The following CRTAC1 variants were observed in gnomAD, a reference collection of about 807,000 sequenced individuals.
CRTAC1 encodes acidic secreted protein in cartilage.
Under a neutral mutation model 67.8 loss-of-function variants are expected in CRTAC1, and 37 were observed. The observed-to-expected ratio is 0.55, with a 90% CI of 0.42 to 0.72. CRTAC1 has a LOEUF of 0.72. Among genes scored for constraint, CRTAC1 ranks in the 30% least tolerant of loss-of-function variants. CRTAC1 has a pLI of 0.00. For missense variants in CRTAC1, 780 were observed against 931.6 expected, an observed-to-expected ratio of 0.84 and a Z score of 2.12; for synonymous variants, 348 against 371.0, an observed-to-expected ratio of 0.94 and a Z score of 0.71.
chr10:97,964,228 T>TC (rs2051576940), intron 2 of CRTAC1, among the ~76,000 whole-genome samples: 1 of 152,208 alleles, frequency 6.6e-6, no homozygotes, highest in Admixed American at 6.5e-5. Context: ...GATGAGTATT[T>TC]CCTGAAGTGT....
chr10:98,000,961 A>C (rs1241161661), intron 2 of CRTAC1, among the ~76,000 whole-genome samples: 1 of 152,220 alleles, frequency 6.6e-6, no homozygotes, highest in Non-Finnish European at 1.5e-5. Context: ...ATAAAACATA[A>C]GCACTTTGAA....
Position 98,011,333 on chromosome 10 carries a change from G to T in CRTAC1, c.29C>A (p.Ser10Tyr). The T allele has an allele frequency of 6.2e-7, 1 of 1,613,674 alleles. No individual in the cohort carries two copies. The highest frequency in any genetic ancestry group is 8.5e-7 in the Non-Finnish European group (1 of 1,179,996). The change falls in exon 2 of 15, where the codon TCC (serine) becomes TAC (tyrosine). Residue 10 changes from serine (S) to tyrosine (Y), a missense_variant. Coordinates refer to ENST00000370597, the MANE Select transcript of CRTAC1 (RefSeq NM_018058.7). MAPSADPGM[S>Y]RMLPFLLLLW... The stretch of plus-strand genomic sequence containing the variant: ...CAGCAGCAGGAACGGTAACATCCTG[G>T]ACATCTGAAACCAAAAGTGACAAAT...
chr10:97,938,750 A>G (rs933533563), intron 2 of CRTAC1, among the ~76,000 whole-genome samples: 1 of 152,158 alleles, frequency 6.6e-6, no homozygotes, highest in African/African-American at 2.4e-5. Context: ...CCTTGGGCTC[A>G]TTTGCCAGAG....
intron 2 of CRTAC1, among the ~76,000 whole-genome samples, chr10:97,994,818 AGAG>A (rs1842524340): frequency 6.6e-6 from 1 of 152,236 alleles, no homozygotes; most frequent in Non-Finnish European, 1.5e-5. Flanking sequence ...ACAGTTCTCC[AGAG>A]GAGGAGTATT....
intron 11 of CRTAC1, among the ~76,000 whole-genome samples, chr10:97,887,024 C>G (rs1473394667): frequency 6.6e-6 from 1 of 151,776 alleles, no homozygotes; most frequent in African/African-American, 2.4e-5. Context: ...TGTACAGTTC[C>G]CAAGTTAAGT....
At chr10:97,912,055 G>A (rs1380673482) in intron 5 of CRTAC1, among the ~76,000 whole-genome samples, 1 of 152,032 alleles carries the variant, frequency 6.6e-6, no homozygotes, top group African/African-American at 2.4e-5. Context: ...TGTGACCTTG[G>A]GCTCATCACT....
rs759560325 is a variant in CRTAC1 at position 98,029,175 on chromosome 10, G to A, written c.24+1274C>T. 3.3e-5 allele frequency among the ~76,000 whole-genome samples: 5 copies of A among 152,136 alleles called. No individual in the cohort carries two copies. The highest frequency in any genetic ancestry group is 6.5e-5 in the Admixed American group (1 of 15,280). On this transcript the variant is annotated intron_variant, in intron 1 of 14. Coordinates refer to ENST00000370597, the MANE Select transcript of CRTAC1 (RefSeq NM_018058.7). This position sits in a 1 kb window ranked among gnomAD's most constrained non-coding sequence, Gnocchi z 4.7. Reference sequence around the variant, plus strand: ...CTCCACCTCTCCCCCATGGCTGAGGGTGAGGTACTCTGTGACTCTCAATGA... The same window carrying A: ...CTCCACCTCTCCCCCATGGCTGAGGATGAGGTACTCTGTGACTCTCAATGA...
At chr10:97,880,097 G>A (rs2050192291) in intron 14 of CRTAC1, 152 bp downstream of exon 14, 4 of 886,648 alleles carry the variant, frequency 4.5e-6, no homozygotes, top group Non-Finnish European at 6.9e-6. Context: ...CCTCTGTCAT[G>A]GTCTTCCCTG....
chr10:97,992,382 T>C (rs755998866), intron 2 of CRTAC1, among the ~76,000 whole-genome samples: 1 of 152,348 alleles, frequency 6.6e-6, no homozygotes, highest in Non-Finnish European at 1.5e-5. Context: ...GAAAACCGTA[T>C]GGAAGTTCCT....
chr10:97,924,231 C>A (rs1417470535), intron 3 of CRTAC1, among the ~76,000 whole-genome samples: 2 of 152,128 alleles, frequency 1.3e-5, no homozygotes, highest in Non-Finnish European at 2.9e-5. Flanking sequence ...TTCAAGTGAC[C>A]ACTTGAAAGG....
chr10:97,963,200 C>T (rs1197332658), intron 2 of CRTAC1, among the ~76,000 whole-genome samples: 1 of 152,108 alleles, frequency 6.6e-6, no homozygotes, highest in African/African-American at 2.4e-5. Context: ...TTAGAACCGG[C>T]GTCCCAACCC....
chr10:97,978,173 C>T (rs547716705), intron 2 of CRTAC1, among the ~76,000 whole-genome samples: 10 of 152,270 alleles, frequency 6.6e-5, no homozygotes, highest in African/African-American at 2.2e-4. Context: ...CATGGGCCAG[C>T]AGGAGTGACA....
At chr10:97,949,528 C>A (rs1409560422) in intron 2 of CRTAC1, among the ~76,000 whole-genome samples, 2 of 152,242 alleles carry the variant, frequency 1.3e-5, no homozygotes, top group African/African-American at 4.8e-5. Flanking sequence ...GGGCTGCCTT[C>A]CCCCAACCCT....
rs143469856 is a variant in CRTAC1, at chr10:97,922,279, C to T, written c.558+985G>A. Among the ~76,000 whole-genome samples, 340 of 152,318 alleles carry T rather than the reference C, an allele frequency of 2.2e-3. 8 individuals are homozygous for T. In the East Asian group the frequency reaches 0.051, roughly 23 times the overall value. On this transcript the variant is annotated intron_variant, in intron 4 of 14. Coordinates refer to ENST00000370597, the MANE Select transcript of CRTAC1 (RefSeq NM_018058.7). ...AGCCCAGCTTGGCTTCTCTTCCCAG[C>T]GCCAGCTTGTTAAGAAATAAATATT...
intron 14 of CRTAC1, among the ~76,000 whole-genome samples, chr10:97,877,970 G>A (rs1406451091): frequency 9.2e-5 from 14 of 152,204 alleles, no homozygotes; most frequent in Admixed American, 9.2e-4. Context: ...ATTTACCACT[G>A]CATTTGGAAC....
intron 14 of CRTAC1, 109 bp from the exon 15 acceptor site, chr10:97,865,823 T>TG: frequency 1.2e-5 from 5 of 423,960 alleles, no homozygotes; most frequent in Non-Finnish European, 2.1e-5. Flanking sequence ...CTGCCCGGGG[T>TG]GGGAGGGAGG....
chr10:97,997,235 TA>T (rs1842598563), intron 2 of CRTAC1, among the ~76,000 whole-genome samples: 1 of 115,476 alleles, frequency 8.7e-6, no homozygotes, highest in South Asian at 2.6e-4. Flanking sequence ...TAAAGTATAA[TA>T]ATAATAATAA....
At chr10:97,913,726 G>A (rs188056218) in intron 5 of CRTAC1, among the ~76,000 whole-genome samples, 132 of 152,224 alleles carry the variant, frequency 8.7e-4, no homozygotes, top group African/African-American at 2.9e-3. Flanking sequence ...CCTGGCTGGG[G>A]AGCCTGTCAC....
chr10:97,875,489 C>T (rs2050136851), intron 14 of CRTAC1, among the ~76,000 whole-genome samples: 1 of 152,234 alleles, frequency 6.6e-6, no homozygotes, highest in Non-Finnish European at 1.5e-5. Context: ...GTGGTGTTAA[C>T]CAGCCCATGT....
Sources: gnomAD v4.1 joint callset for allele counts (sites outside exome capture counted in the v4.1 genomes callset) on GRCh38, gnomAD v4.1.1 for gene constraint, Gnocchi (gnomAD v3.1) non-coding constraint, MANE v1.5 for transcripts, NCBI Gene and HGNC (gene_info 2026-07-23, HGNC 2026-07-21) for gene names.